Variants in C2orf42 observed in about 807,000 individuals in gnomAD.
C2orf42 encodes chromosome 2 open reading frame 42, also known as uncharacterized protein C2orf42.
Under a neutral mutation model 58.9 loss-of-function variants are expected in C2orf42, and 44 were observed. The ratio of observed to expected loss-of-function variants is 0.75; its 90% confidence interval spans 0.59 to 0.96. C2orf42 has a LOEUF of 0.96. Ranked by LOEUF, C2orf42 falls within the 40% of genes least tolerant of loss-of-function variation. C2orf42 has a pLI of 0.00. For synonymous variants in C2orf42, 239 were observed against 265.4 expected, an observed-to-expected ratio of 0.90 and a Z score of 0.97; for missense variants, 630 against 699.2, an observed-to-expected ratio of 0.90 and a Z score of 1.12.
At chr2:70,155,131 C>A (rs1572965704) in intron 9 of C2orf42, among the ~76,000 whole-genome samples, 1 of 152,170 alleles carries the variant, frequency 6.6e-6, no homozygotes, top group Non-Finnish European at 1.5e-5. Context: ...GTAGTCCCAG[C>A]TACTAAGGAG....
rs77389089 is a variant in C2orf42 at position 70,181,683 on chromosome 2, T to C, written c.303A>G (p.Thr101=). Residue 101 remains threonine, a synonymous_variant, in exon 3 of 10, where the codon ACA becomes ACG. Coordinates refer to ENST00000264434, the MANE Select transcript of C2orf42 (RefSeq NM_017880.3). ...ELGVSETTIQ[T]VDGTIITQLS... ...GCTGAGTGATGATCGTCCCATCCAC[T>C]GTCTGGATTGTTGTCTCTGAAACCC... 3,338 of 1,614,162 alleles carry C rather than the reference T, an allele frequency of 2.1e-3. 55 individuals are homozygous for C. In the African/African-American group the frequency reaches 0.039, roughly 19 times the overall value.
At chr2:70,178,924 CAAA>C (rs751804822) in intron 4 of C2orf42, among the ~76,000 whole-genome samples, 1 of 96,096 alleles carries the variant, frequency 1.0e-5, no homozygotes, top group Non-Finnish European at 2.2e-5. Flanking sequence ...GACTCCATCT[CAAA>C]AAAAAAAAAA....
intron 1 of C2orf42, among the ~76,000 whole-genome samples, chr2:70,184,777 A>T (rs1229035447): frequency 6.7e-6 from 1 of 148,560 alleles, no homozygotes; most frequent in African/African-American, 2.5e-5. Flanking sequence ...CACCATGCCC[A>T]GTGGTCTCTA....
intron 9 of C2orf42, among the ~76,000 whole-genome samples, chr2:70,151,661 C>A (rs940261172): frequency 6.6e-6 from 1 of 151,870 alleles, no homozygotes; most frequent in Non-Finnish European, 1.5e-5. Flanking sequence ...AATAAAAAAA[C>A]AAGAAGGATG....
At chr2:70,183,580 C>A (rs560993433) in intron 1 of C2orf42, among the ~76,000 whole-genome samples, 1 of 151,784 alleles carries the variant, frequency 6.6e-6, no homozygotes, top group South Asian at 2.1e-4. Flanking sequence ...CGGGCACATG[C>A]CACCATGCCC....
rs763656387 is a variant in C2orf42 at position 70,181,753 on chromosome 2, C to T, written c.233G>A (p.Arg78Gln). 45 of 1,614,008 alleles carry T rather than the reference C, an allele frequency of 2.8e-5. No individual in the cohort carries two copies. The highest frequency in any genetic ancestry group is 3.4e-5 in the Non-Finnish European group (40 of 1,180,022). ...GTAATCAGGGCCCCGGTCTCTTTGC[C>T]GCACTGAGTAGACCTGAAGATCAGA... ...TGSDLQVYSVRQRDRGPDYRC... is the reference protein window; with the variant it reads ...TGSDLQVYSVQQRDRGPDYRC... The change falls in exon 3 of 10, where the codon CGG (arginine) becomes CAG (glutamine). Residue 78 changes from arginine (R) to glutamine (Q), a missense_variant. Physicochemically the swap from Arg to Gln is conservative, Grantham distance 43. Transcript: ENST00000264434.
At chr2:70,170,079 G>A (rs900530938) in intron 5 of C2orf42, among the ~76,000 whole-genome samples, 6 of 151,438 alleles carry the variant, frequency 4.0e-5, no homozygotes, top group African/African-American at 1.5e-4. Flanking sequence ...TTATTGACAA[G>A]GCTTTGTCAT....
At chr2:70,174,625 CCCTGTGCTACT>C (rs1674063424) in intron 5 of C2orf42, among the ~76,000 whole-genome samples, 1 of 152,070 alleles carries the variant, frequency 6.6e-6, no homozygotes, top group Non-Finnish European at 1.5e-5. Context: ...CACAAAGACT[CCCTGTGCTACT>C]CTTTTATTGC....
Position 70,165,089 on chromosome 2 carries a change from C to T in C2orf42, c.1353+3G>A, listed in dbSNP as rs778738862. The T allele has an allele frequency of 2.5e-5, 38 of 1,508,788 alleles. 1 individual carries two copies. The Admixed American group carries it at 5.6e-4, about 22-fold the overall frequency. 93.5% of individuals were successfully genotyped at this position (1,508,788 alleles called of 1,614,324 possible). ...TCCCACTGTTATAGAAATAAACTCTCACCTCTGGGGTATCTAAGATTTGTT... is the reference window on the plus strand; with the variant it reads ...TCCCACTGTTATAGAAATAAACTCTTACCTCTGGGGTATCTAAGATTTGTT... On this transcript the variant is annotated splice_donor_region_variant and intron_variant, in intron 8 of 9. Coordinates refer to ENST00000264434, the MANE Select transcript of C2orf42 (RefSeq NM_017880.3).
chr2:70,163,819 C>T (rs1176466587), intron 8 of C2orf42, among the ~76,000 whole-genome samples: 1 of 151,950 alleles, frequency 6.6e-6, no homozygotes, highest in Non-Finnish European at 1.5e-5. Flanking sequence ...CACTGCACTG[C>T]AGCCTGGGCA....
In C2orf42 at chr2:70,150,344, T is replaced by C. The variant is rs1672227949; in HGVS notation, c.*12A>G. Reference sequence around the variant, plus strand: ...CAAATTAAGCAGCAAAAGATTATTATCTTGTTTTGCTTTAAGGGAAAGTAA... The same window carrying C: ...CAAATTAAGCAGCAAAAGATTATTACCTTGTTTTGCTTTAAGGGAAAGTAA... On this transcript the variant is annotated 3_prime_UTR_variant, in exon 10 of 10. Transcript: ENST00000264434. 2 of 1,610,338 alleles carry C rather than the reference T, an allele frequency of 1.2e-6. No homozygotes were observed. Among genetic ancestry groups the C allele is most frequent in the Admixed American group, 1.7e-5 (1 of 59,978 alleles).
At chr2:70,162,442 G>A (rs1673115937) in intron 8 of C2orf42, among the ~76,000 whole-genome samples, 1 of 151,906 alleles carries the variant, frequency 6.6e-6, no homozygotes, top group African/African-American at 2.4e-5. Flanking sequence ...GAGGTCAGGA[G>A]CTTGGGACCA....
At chr2:70,161,840 C>CAA (rs1172754744) in intron 8 of C2orf42, among the ~76,000 whole-genome samples, 5 of 77,482 alleles carry the variant, frequency 6.5e-5, no homozygotes, top group Admixed American at 4.0e-4. Flanking sequence ...AAGTCCGTGT[C>CAA]AAAAAAAAAA....
chr2:70,161,511 G>T (rs1673046917), intron 8 of C2orf42, among the ~76,000 whole-genome samples: 1 of 152,108 alleles, frequency 6.6e-6, no homozygotes, highest in Non-Finnish European at 1.5e-5. Context: ...TGCCAACACA[G>T]CCCTTTTCTA....
rs771915914 is a variant in C2orf42, at chr2:70,179,543, T to G, written c.923A>C (p.Asp308Ala). ...AACCAGACTCTTACCAGATACTTCATCCTTTCTCCTCTTCTTTGACTTAGA... is the reference window on the plus strand; with the variant it reads ...AACCAGACTCTTACCAGATACTTCAGCCTTTCTCCTCTTCTTTGACTTAGA... The part of the protein sequence containing the change: ...TASKSKKRRK[D>A]EVSGAQMNSS... The change falls in exon 4 of 10, where the codon GAT (aspartate) becomes GCT (alanine). Residue 308 changes from aspartate (D) to alanine (A), a missense_variant. Transcript: ENST00000264434. 1 of 1,454,230 alleles carries G rather than the reference T, an allele frequency of 6.9e-7. No homozygotes were observed. Among genetic ancestry groups the G allele is most frequent in the East Asian group, 2.3e-5 (1 of 44,112 alleles). The allele number at this position is 1,454,230 out of a possible 1,614,324, so 90.1% of individuals were successfully genotyped here. A position where few individuals can be genotyped will look rare whatever the true frequency, so the allele number is the denominator to read the frequency against.
rs1453236653 is a variant in C2orf42 at position 70,179,547 on chromosome 2, T to C, written c.919A>G (p.Lys307Glu). 15 of 1,478,870 alleles carry C rather than the reference T, an allele frequency of 1.0e-5. No homozygotes were observed. The highest frequency in any genetic ancestry group is 1.3e-5 in the Non-Finnish European group (14 of 1,059,756). 91.6% of individuals were successfully genotyped at this position (1,478,870 alleles called of 1,614,324 possible). ...AGACTCTTACCAGATACTTCATCCT[T>C]TCTCCTCTTCTTTGACTTAGAGGCA... ...STASKSKKRRKDEVSGAQMNS... is the reference protein window; with the variant it reads ...STASKSKKRREDEVSGAQMNS... The change falls in exon 4 of 10, where the codon AAG becomes GAG. Residue 307 changes from lysine (K) to glutamate (E), a missense_variant. By Grantham distance (56) the Lys-to-Glu change is moderately conservative. Coordinates refer to ENST00000264434, the MANE Select transcript of C2orf42 (RefSeq NM_017880.3).
chr2:70,179,756 C>A, intron 3 of C2orf42, 114 bp from the exon 4 acceptor site: 1 of 453,308 alleles, frequency 2.2e-6, no homozygotes, highest in Non-Finnish European at 4.0e-6. Flanking sequence ...ACGAATTATC[C>A]CAGGCTGGGC....
intron 8 of C2orf42, among the ~76,000 whole-genome samples, chr2:70,163,122 C>A (rs1673166152): frequency 6.6e-6 from 1 of 152,026 alleles, no homozygotes; most frequent in African/African-American, 2.4e-5. Context: ...CCTGCCTTAG[C>A]CTCCCAAAGT....
chr2:70,181,377 A>G lies in C2orf42; in HGVS notation c.609T>C (p.Tyr203=). 1 of 1,614,142 alleles carries G rather than the reference A, an allele frequency of 6.2e-7. No homozygotes were observed. The highest frequency in any genetic ancestry group is 8.5e-7 in the Non-Finnish European group (1 of 1,180,004). ...CKASQKHSLG[Y]LHTSFVQKVS... The stretch of plus-strand genomic sequence containing the variant: ...CTTTCTGCACAAAAGATGTATGCAA[A>G]TACCCCAAACTGTGCTTCTGGCTTG... The change falls in exon 3 of 10, where the codon TAT becomes TAC. Residue 203 remains tyrosine, a synonymous_variant. Transcript: ENST00000264434.
Sources: gnomAD v4.1 joint callset for allele counts (sites outside exome capture counted in the v4.1 genomes callset) on GRCh38, gnomAD v4.1.1 for gene constraint, MANE v1.5 for transcripts, NCBI Gene and HGNC (gene_info 2026-07-23, HGNC 2026-07-21) for gene names.